LARGE1: variants seen among roughly 807,000 people sequenced by gnomAD.
LARGE1 encodes xylosyl- and glucuronyltransferase LARGE1.
LARGE1 carries 43 observed loss-of-function variants against 87.6 expected under a neutral mutation model. The observed-to-expected ratio is 0.49, with a 90% CI of 0.38 to 0.63. The LOEUF is 0.63. LARGE1 is among the 30% of genes least tolerant of loss of function. The pLI, the probability that LARGE1 is intolerant of heterozygous loss-of-function variation, is 0.00. For synonymous variants in LARGE1, 434 were observed against 394.6 expected, an observed-to-expected ratio of 1.10 and a Z score of -1.18; for missense variants, 802 against 1,000.2, an observed-to-expected ratio of 0.80 and a Z score of 2.67.
At chr22:33,545,326 G>T (rs1427444668) in intron 6 of LARGE1, among the ~76,000 whole-genome samples, 1 of 147,730 alleles carries the variant, frequency 6.8e-6, no homozygotes, top group Non-Finnish European at 1.5e-5. Flanking sequence ...GAGGGCAGTG[G>T]TATGATCTCA....
chr22:33,327,619 C>T (rs1415355625), intron 10 of LARGE1, among the ~76,000 whole-genome samples: 1 of 152,128 alleles, frequency 6.6e-6, no homozygotes, highest in Non-Finnish European at 1.5e-5. Flanking sequence ...GTGGTGGTGC[C>T]GTCTCGATTC....
At chr22:33,663,478 G>A (rs764709719) in intron 2 of LARGE1, among the ~76,000 whole-genome samples, 5 of 152,118 alleles carry the variant, frequency 3.3e-5, no homozygotes, top group African/African-American at 7.2e-5. Context: ...GGAATGATGC[G>A]CTTGAGTGCA....
intron 6 of LARGE1, among the ~76,000 whole-genome samples, chr22:33,549,797 C>T (rs1402810903): frequency 2.0e-5 from 3 of 152,132 alleles, no homozygotes; most frequent in African/African-American, 7.2e-5. Flanking sequence ...TCCAAGTGTT[C>T]TCATTGTTTA....
intron 11 of LARGE1, among the ~76,000 whole-genome samples, chr22:33,264,102 G>T (rs1927796411): frequency 6.6e-6 from 1 of 152,156 alleles, no homozygotes; most frequent in Admixed American, 6.5e-5. Flanking sequence ...AACATAATTA[G>T]CAAATCAACT....
At chr22:33,441,141 C>A (rs1394091594) in intron 6 of LARGE1, among the ~76,000 whole-genome samples, 1 of 128,522 alleles carries the variant, frequency 7.8e-6, no homozygotes, top group African/African-American at 3.0e-5. Context: ...ATGGTACAAT[C>A]TTGGCTCACT....
intron 11 of LARGE1, among the ~76,000 whole-genome samples, chr22:33,313,305 A>G (rs1569043687): frequency 6.6e-6 from 1 of 151,734 alleles, no homozygotes; most frequent in Non-Finnish European, 1.5e-5. Context: ...AACTCAACTC[A>G]GGTACTACCT....
intron 1 of LARGE1, among the ~76,000 whole-genome samples, chr22:33,905,062 C>CTTT (rs71187290): frequency 3.3e-4 from 39 of 118,852 alleles, no homozygotes; most frequent in Non-Finnish European, 3.6e-4. Flanking sequence ...TTTTTAATTC[C>CTTT]TTTTTTTTTT....
rs1260459782 is a variant in LARGE1, at chr22:33,585,727, G to T, written c.615+18708C>A. The stretch of plus-strand genomic sequence containing the variant: ...GGCACTTTACTCAGGTTATATATTA[G>T]ATCACAACATAAAAGATCAGGAAAC... On this transcript the variant is annotated intron_variant, in intron 5 of 14. Transcript: ENST00000397394. Among the ~76,000 whole-genome samples, 5 of 152,284 alleles carry T rather than the reference G, an allele frequency of 3.3e-5. No homozygotes were observed. In the East Asian group the frequency reaches 7.7e-4, roughly 23 times the overall value.
chr22:33,774,033 C>T lies in LARGE1; in HGVS notation c.-82-12475G>A, dbSNP rs2085153340. On this transcript the variant is annotated intron_variant, in intron 1 of 14. Transcript: ENST00000397394. ...GCTGTGTATCTTGGAAAAGGAAGAA[C>T]TATTGAAAAAGGAAAGAATACTCTT... Among the ~76,000 whole-genome samples, 4 of 134,310 alleles carry T rather than the reference C, an allele frequency of 3.0e-5. No homozygotes were observed. In the Admixed American group the frequency reaches 3.3e-4, roughly 11 times the overall value. The allele number at this position is 134,310 out of a possible 152,430, so 88.1% of individuals were successfully genotyped here.
At chr22:33,285,240 G>C (rs1484079661) in intron 12 of LARGE1, among the ~76,000 whole-genome samples, 1 of 152,102 alleles carries the variant, frequency 6.6e-6, no homozygotes, top group Non-Finnish European at 1.5e-5. Context: ...CCATCTCTGA[G>C]ATACAGAAAG....
At chr22:33,752,232 G>T (rs1424234336) in intron 2 of LARGE1, among the ~76,000 whole-genome samples, 7 of 152,068 alleles carry the variant, frequency 4.6e-5, no homozygotes, top group Non-Finnish European at 7.4e-5. Context: ...AGAGCTAAGG[G>T]ATCATGGGGT....
intron 1 of LARGE1, among the ~76,000 whole-genome samples, chr22:33,851,505 T>A (rs1207711684): frequency 1.3e-5 from 2 of 152,222 alleles, no homozygotes; most frequent in Admixed American, 1.3e-4. Flanking sequence ...AGCTGTAAAA[T>A]AACCTACACA....
chr22:33,339,120 C>A (rs1260270519), intron 9 of LARGE1, among the ~76,000 whole-genome samples: 3 of 147,976 alleles, frequency 2.0e-5, no homozygotes, highest in East Asian at 2.0e-4. Context: ...TGCACTCCAG[C>A]CTGGGCAACA....
intron 11 of LARGE1, among the ~76,000 whole-genome samples, chr22:33,242,746 G>C (rs1926580483): frequency 6.6e-6 from 1 of 152,140 alleles, no homozygotes; most frequent in African/African-American, 2.4e-5. Flanking sequence ...ACCACAACTG[G>C]TGGCATATCA....
In LARGE1 at chr22:33,283,207, T is replaced by C. The variant is rs1204574518; in HGVS notation, c.1872A>G (p.Thr624=). 7 of 1,614,070 alleles carry C rather than the reference T, an allele frequency of 4.3e-6. No homozygotes were observed. Among genetic ancestry groups the C allele is most frequent in the South Asian group, 1.1e-5 (1 of 91,076 alleles). Residue 624 remains threonine, a synonymous_variant, in exon 13 of 15, where the codon ACA becomes ACG. Coordinates refer to ENST00000397394, the MANE Select transcript of LARGE1 (RefSeq NM_133642.5). ...CAGCAGCTAGAGCCACTCACCTGAATGTGAAGAGGGTCCCCATGTCCAGCA... is the reference window on the plus strand; with the variant it reads ...CAGCAGCTAGAGCCACTCACCTGAACGTGAAGAGGGTCCCCATGTCCAGCA... ...LSMLDMGTLF[T]FRYHVWTKGH...
rs2148784720 is a variant in LARGE1, at chr22:33,564,937, G to C, written c.698C>G (p.Ala233Gly). The change falls in exon 6 of 15, where the codon GCC becomes GGC. Residue 233 changes from alanine to glycine, a missense_variant. By Grantham distance (60) the Ala-to-Gly change is moderately conservative (BLOSUM62 0). Transcript: ENST00000397394. ...MKLVLTKTLP[A>G]NLERVIVLDT... is the part of the protein sequence containing the mutation. ...AAGGACGATGACTCTCTCCAGGTTG[G>C]CAGGAAGAGTCTTGGTCAGGACAAG... is the stretch of plus-strand genomic sequence containing the variant. 6.2e-7 allele frequency: 1 copy of C among 1,613,970 alleles called. No individual in the cohort carries two copies. The highest frequency in any genetic ancestry group is 2.2e-5 in the East Asian group (1 of 44,872).
chr22:33,543,364 A>G (rs2077265976), intron 6 of LARGE1, among the ~76,000 whole-genome samples: 2 of 152,210 alleles, frequency 1.3e-5, no homozygotes, highest in Non-Finnish European at 2.9e-5. Flanking sequence ...ACTTTCATGG[A>G]TAAATAGGCT....
chr22:33,652,311 T>G (rs1395967501), intron 2 of LARGE1, among the ~76,000 whole-genome samples: 2 of 151,806 alleles, frequency 1.3e-5, no homozygotes, highest in Non-Finnish European at 2.9e-5. Context: ...GCCTGTACAC[T>G]CTCCACTTCA....
chr22:33,074,733 A>G, the LARGE1 span, among the ~76,000 whole-genome samples: 2 of 152,142 alleles, frequency 1.3e-5, no homozygotes, highest in African/African-American at 2.4e-5. Context: ...TCATAGTTCC[A>G]TAATAAGCAG....
Sources: gnomAD v4.1 joint callset for allele counts (sites outside exome capture counted in the v4.1 genomes callset) on GRCh38, gnomAD v4.1.1 for gene constraint, MANE v1.5 for transcripts, NCBI Gene and HGNC (gene_info 2026-07-23, HGNC 2026-07-21) for gene names.